Variants in CSMD3 observed in about 807,000 individuals in gnomAD.
The protein encoded by CSMD3 is CUB and Sushi multiple domains 3.
CSMD3 carries 177 observed loss-of-function variants against 435.2 expected under a neutral mutation model. The ratio of observed to expected loss-of-function variants is 0.41; its 90% CI spans 0.36 to 0.46. The LOEUF is 0.46. CSMD3 is among the 20% of genes least tolerant of loss of function. The probability of loss-of-function intolerance (pLI) is 0.34; values close to 1 mark genes in which losing one functional copy is unlikely to be tolerated. For missense variants in CSMD3, 4,265 were observed against 4,504.6 expected (o/e 0.95, Z 1.52); for synonymous variants, 1,656 against 1,520.5 (o/e 1.09, Z -2.07).
At chr8:112,657,748 C>A (rs1053852671) in intron 17 of CSMD3, among the ~76,000 whole-genome samples, 1 of 152,060 alleles carries the variant, frequency 6.6e-6, no homozygotes, top group Non-Finnish European at 1.5e-5. Flanking sequence ...TTGCTTTAAC[C>A]AAGGTTTTCC....
chr8:113,170,907 G>A (rs979231579), intron 4 of CSMD3, among the ~76,000 whole-genome samples: 2 of 151,850 alleles, frequency 1.3e-5, no homozygotes, highest in African/African-American at 4.8e-5. Context: ...AATCATAGAA[G>A]TTAGAGTGGT....
At chr8:112,506,590 A>T in intron 29 of CSMD3, 101 bp downstream of exon 29, 1 of 1,153,990 alleles carries the variant, frequency 8.7e-7, no homozygotes, top group South Asian at 1.3e-5. Context: ...ATAACAAAAA[A>T]TGCTATATAC....
intron 43 of CSMD3, among the ~76,000 whole-genome samples, chr8:112,337,054 T>C (rs575894844): frequency 1.1e-4 from 17 of 152,308 alleles, no homozygotes; most frequent in African/African-American, 4.1e-4. Context: ...TTATTAATGA[T>C]CACTAGATTA....
At chr8:113,343,819 C>A (rs910698253) in intron 1 of CSMD3, among the ~76,000 whole-genome samples, 4 of 152,122 alleles carry the variant, frequency 2.6e-5, no homozygotes, top group Admixed American at 2.6e-4. Context: ...TGCCTGTAAT[C>A]CCAGCACTTT....
At chr8:112,851,228 C>T (rs576355872) in intron 11 of CSMD3, among the ~76,000 whole-genome samples, 10 of 152,050 alleles carry the variant, frequency 6.6e-5, no homozygotes, top group African/African-American at 1.2e-4. Context: ...TTAGGGACAG[C>T]GTAACTTTGA....
At chr8:112,783,955 TA>T (rs2078469244) in intron 13 of CSMD3, among the ~76,000 whole-genome samples, 1 of 152,018 alleles carries the variant, frequency 6.6e-6, no homozygotes, top group Non-Finnish European at 1.5e-5. Flanking sequence ...AAGCAAATAT[TA>T]GTGCTAAAGA....
At chr8:113,396,717 T>C (rs189485057) in intron 1 of CSMD3, among the ~76,000 whole-genome samples, 41 of 152,286 alleles carry the variant, frequency 2.7e-4, no homozygotes, top group Admixed American at 2.5e-3. Flanking sequence ...ATAGTCTCTC[T>C]TTAAGGGAGC....
At chr8:112,502,531 T>A (rs1299853346) in intron 30 of CSMD3, among the ~76,000 whole-genome samples, 1 of 152,204 alleles carries the variant, frequency 6.6e-6, no homozygotes, top group African/African-American at 2.4e-5. Context: ...GACTTGTGAG[T>A]TTCATTTCCC....
At chr8:113,064,433 A>G (rs72683880) in intron 5 of CSMD3, among the ~76,000 whole-genome samples, 1 of 152,128 alleles carries the variant, frequency 6.6e-6, no homozygotes, top group Non-Finnish European at 1.5e-5. Flanking sequence ...ATCATGAGGC[A>G]ATAAGAAAAA....
intron 12 of CSMD3, among the ~76,000 whole-genome samples, chr8:112,826,396 T>C (rs2079681441): frequency 6.6e-6 from 1 of 152,172 alleles, no homozygotes; most frequent in African/African-American, 2.4e-5. Flanking sequence ...AAGCAGATTC[T>C]AGATGAGTGG....
At chr8:112,552,122 A>T (rs1336018014) in intron 26 of CSMD3, among the ~76,000 whole-genome samples, 1 of 152,080 alleles carries the variant, frequency 6.6e-6, no homozygotes, top group Non-Finnish European at 1.5e-5. Flanking sequence ...AGGAAATGGT[A>T]TTCAGTCCCC....
chr8:113,225,934 T>C (rs976360434), intron 3 of CSMD3, among the ~76,000 whole-genome samples: 53 of 151,512 alleles, frequency 3.5e-4, no homozygotes, highest in Non-Finnish European at 8.9e-5. Flanking sequence ...TCCCCCCTGC[T>C]GTCCTCATGA....
intron 23 of CSMD3, among the ~76,000 whole-genome samples, chr8:112,579,837 C>A (rs905731757): frequency 5.9e-5 from 9 of 151,982 alleles, no homozygotes; most frequent in Non-Finnish European, 1.2e-4. Context: ...GACATCATTC[C>A]TCCTAACCTT....
chr8:112,335,346 A>G lies in CSMD3; in HGVS notation c.7148T>C (p.Phe2383Ser), dbSNP rs776311403. The G allele has an allele frequency of 6.2e-7, 1 of 1,613,998 alleles. No homozygotes were observed. The change falls in exon 45 of 71, where the codon TTT (phenylalanine) becomes TCT (serine). Residue 2383 changes from phenylalanine to serine, a missense_variant. Phe to Ser is a radical substitution (Grantham distance 155). This residue lies in a region of CSMD3 where 3,255 missense variants were observed against 3,380.2 expected (regional missense o/e 0.96). Coordinates refer to ENST00000297405, the MANE Select transcript of CSMD3 (RefSeq NM_198123.2). ...FHSDFTTSGF[F>S]VLSYHAYQLR... ...ATACCAACCGTGATAACTGAGCACA[A>G]AAAAGCCACTTGTTGTGAAATCACT...
chr8:112,637,007 T>C lies in CSMD3; in HGVS notation c.3527-2A>G. ...CTTCACAAGGTTCAAGGTTATATTC[T>C]GTAAATTAGAGAGAAAAATTTCCCC... On this transcript the variant is annotated splice_acceptor_variant, in intron 21 of 70. Coordinates refer to ENST00000297405, the MANE Select transcript of CSMD3 (RefSeq NM_198123.2). LOFTEE classifies it high-confidence loss of function. The C allele has an allele frequency of 6.2e-7, 1 of 1,613,232 alleles. No individual in the cohort carries two copies. Among genetic ancestry groups the C allele is most frequent in the Non-Finnish European group, 8.5e-7 (1 of 1,179,340 alleles).
intron 32 of CSMD3, among the ~76,000 whole-genome samples, chr8:112,419,533 C>T (rs1464185329): frequency 5.3e-5 from 8 of 152,026 alleles, no homozygotes; most frequent in South Asian, 4.2e-4. Context: ...TAAATGGGGT[C>T]GTAATTTATC....
At chr8:113,399,808 A>G (rs1365043275) in intron 1 of CSMD3, among the ~76,000 whole-genome samples, 1 of 151,990 alleles carries the variant, frequency 6.6e-6, no homozygotes, top group Non-Finnish European at 1.5e-5. Context: ...TTTGCATTGA[A>G]TGGTATGTGA....
chr8:112,474,104 T>C (rs1818804075), intron 31 of CSMD3, among the ~76,000 whole-genome samples: 1 of 152,138 alleles, frequency 6.6e-6, no homozygotes, highest in Admixed American at 6.6e-5. Flanking sequence ...TAGTTTCAAC[T>C]GGAGCAGCTC....
intron 13 of CSMD3, among the ~76,000 whole-genome samples, chr8:112,727,605 CTA>C (rs200303477): frequency 1.3e-5 from 2 of 151,432 alleles, no homozygotes; most frequent in South Asian, 2.1e-4. Flanking sequence ...GACCATCAGC[CTA>C]TATATATATC....
Sources: gnomAD v4.1 joint callset for allele counts (sites outside exome capture counted in the v4.1 genomes callset) on GRCh38, gnomAD v4.1.1 for gene constraint, gnomAD v4.1.1 regional missense constraint, MANE v1.5 for transcripts, NCBI Gene and HGNC (gene_info 2026-07-23, HGNC 2026-07-21) for gene names.